Variants in SATB1 observed in about 807,000 individuals in gnomAD.
SATB1 encodes SATB homeobox 1.
In SATB1, 11 loss-of-function variants were observed where a neutral mutation model predicts 86.9. The observed-to-expected ratio is 0.13, with a 90% CI of 0.08 to 0.21. SATB1 has a LOEUF of 0.21. Ranked by LOEUF, SATB1 falls within the 10% of genes least tolerant of loss-of-function variation. The probability of loss-of-function intolerance (pLI) is 1.00; values close to 1 mark genes in which losing one functional copy is unlikely to be tolerated. For synonymous variants in SATB1, 357 were observed against 357.2 expected (o/e 1.00, Z 0.01); for missense variants, 551 against 937.6 (o/e 0.59, Z 5.39).
upstream of SATB1, among the ~76,000 whole-genome samples, chr3:18,425,577 T>A (rs933604765): frequency 3.3e-5 from 5 of 150,862 alleles, no homozygotes; most frequent in African/African-American, 1.2e-4. Context: ...AGCGCACGAT[T>A]TCCGGCCCCG....
At chr3:18,425,560 TG>T (rs1258500930), upstream of SATB1, among the ~76,000 whole-genome samples, 9 of 147,112 alleles carry the variant, frequency 6.1e-5, no homozygotes, top group African/African-American at 2.3e-4. Flanking sequence ...AGTGAGGGAA[TG>T]GGGGGAGCGC....
intron 8 of SATB1, among the ~76,000 whole-genome samples, chr3:18,380,098 G>C (rs1411863767): frequency 6.6e-6 from 1 of 152,146 alleles, no homozygotes; most frequent in Non-Finnish European, 1.5e-5. Flanking sequence ...CTTGCTTTGA[G>C]GCAGAGGGAT....
At chr3:18,401,577 T>C (rs908227147) in intron 5 of SATB1, among the ~76,000 whole-genome samples, 6 of 152,084 alleles carry the variant, frequency 3.9e-5, no homozygotes, top group Non-Finnish European at 8.8e-5. Flanking sequence ...AACATCAATG[T>C]TCACAGAATA....
chr3:18,434,017 A>G (rs1698976761), intron 2 of SATB1, among the ~76,000 whole-genome samples: 1 of 152,118 alleles, frequency 6.6e-6, no homozygotes, highest in Non-Finnish European at 1.5e-5. Context: ...AGAGAAACAA[A>G]TAGCACATTT....
intron 9 of SATB1, among the ~76,000 whole-genome samples, chr3:18,375,308 A>G (rs1000603425): frequency 2.6e-5 from 4 of 152,200 alleles, no homozygotes; most frequent in Admixed American, 6.5e-5. Flanking sequence ...AAAGTAAGAA[A>G]ATAATAGCTC....
Position 18,394,866 on chromosome 3 carries a change from T to G in SATB1, c.802A>C (p.Asn268His). 1 of 1,612,656 alleles carries G rather than the reference T, an allele frequency of 6.2e-7. No individual in the cohort carries two copies. The highest frequency in any genetic ancestry group is 8.5e-7 in the Non-Finnish European group (1 of 1,179,422). The change falls in exon 7 of 11, where the codon AAT becomes CAT. Residue 268 changes from asparagine to histidine, a missense_variant. Asn to His is a moderately conservative substitution (Grantham distance 68, BLOSUM62 1). Around this residue, in one of 8 missense-constraint regions of SATB1, gnomAD observed 119 missense variants for 171.1 expected, o/e 0.70. Transcript: ENST00000338745. The surrounding 1 kb of genome is among the most constrained non-coding windows in gnomAD (Gnocchi z 5.9). ...CCTGGAACTGGTTGCTGGCCAAAAT[T>G]GACATGATTGGCGCCTTGCTGGGAT... is the stretch of plus-strand genomic sequence containing the variant. The part of the protein sequence containing the change: ...ELSQQGANHV[N>H]FGQQPVPGNT...
At chr3:18,387,928 T>A (rs1165553034) in intron 7 of SATB1, among the ~76,000 whole-genome samples, 1 of 152,194 alleles carries the variant, frequency 6.6e-6, no homozygotes, top group African/African-American at 2.4e-5. Context: ...GTTGCCGAAA[T>A]GCAACAGTTG....
rs761051718 is a variant in SATB1 at position 18,386,431 on chromosome 3, G to C, written c.1387C>G (p.Leu463Val). 8 of 1,613,894 alleles carry C rather than the reference G, an allele frequency of 5.0e-6. 1 individual carries two copies. Among genetic ancestry groups the C allele is most frequent in the South Asian group, 2.2e-5 (2 of 91,054 alleles). Residue 463 changes from leucine (L) to valine (V), a missense_variant, in exon 8 of 11, where the codon CTC becomes GTC. By Grantham distance (32) the Leu-to-Val change is conservative. Coordinates refer to ENST00000338745, the MANE Select transcript of SATB1 (RefSeq NM_002971.6). This position sits in a 1 kb window ranked among gnomAD's most constrained non-coding sequence, Gnocchi z 4.5. ...GGACGGCTGGGTGGTGTGCTGATGA[G>C]GGGGGCAGGACCCATGGCCGAGGCA... ...NAASAMGPAP[L>V]ISTPPSRPPQ...
upstream of SATB1, among the ~76,000 whole-genome samples, chr3:18,426,586 A>T (rs1255604406): frequency 6.6e-6 from 1 of 152,254 alleles, no homozygotes; most frequent in African/African-American, 2.4e-5. This position sits in a 1 kb window ranked among gnomAD's most constrained non-coding sequence, Gnocchi z 4.2. Context: ...GAATATTACA[A>T]TGTAACCCAA....
rs1440966012 is a variant in SATB1 at position 18,371,570 on chromosome 3, G to GT, written c.1575+6599dup. Among the ~76,000 whole-genome samples, 4 of 152,094 alleles carry GT rather than the reference G, an allele frequency of 2.6e-5. No homozygotes were observed. In the South Asian group the frequency reaches 6.2e-4, roughly 24 times the overall value. On this transcript the variant is annotated intron_variant, in intron 9 of 10. Coordinates refer to ENST00000338745, the MANE Select transcript of SATB1 (RefSeq NM_002971.6). The stretch of plus-strand genomic sequence containing the variant: ...TCTACATTAGATTCATTTTACTAAC[G>GT]TAAGTTCTTCCATTCCTCTCTTAGC...
chr3:18,415,896 T>C, intron 4 of SATB1, 111 bp downstream of exon 4: 2 of 1,050,326 alleles, frequency 1.9e-6, no homozygotes, highest in East Asian at 5.0e-5. Flanking sequence ...TGTATTAACC[T>C]TTCTGAAACA....
chr3:18,427,479 A>G (rs1698748068), upstream of SATB1, among the ~76,000 whole-genome samples: 5 of 152,256 alleles, frequency 3.3e-5, no homozygotes, highest in South Asian at 1.0e-3. Context: ...TGGGCAAAAT[A>G]AAATTTAAAC....
chr3:18,417,390 C>T (rs897027242), intron 2 of SATB1: 6 of 554,244 alleles, frequency 1.1e-5, no homozygotes, highest in South Asian at 2.4e-5. Context: ...ATAATGGTGA[C>T]GAAAGAGAAA....
upstream of SATB1, among the ~76,000 whole-genome samples, chr3:18,440,836 CTG>C (rs1349951323): frequency 1.3e-5 from 2 of 152,168 alleles, no homozygotes; most frequent in Admixed American, 1.3e-4. Flanking sequence ...AGAGTAATGA[CTG>C]TTCTGTAATC....
chr3:18,408,955 G>A (rs565194776), intron 5 of SATB1: 2 of 151,614 alleles, frequency 1.3e-5, no homozygotes, highest in Non-Finnish European at 2.9e-5. Flanking sequence ...CTAAGCCTTG[G>A]GAGTATTTAT....
chr3:18,349,636 G>A lies in SATB1; in HGVS notation c.1826C>T (p.Pro609Leu), dbSNP rs760614100. 8 of 1,612,348 alleles carry A rather than the reference G, an allele frequency of 5.0e-6. No homozygotes were observed. The highest frequency in any genetic ancestry group is 1.7e-5 in the Admixed American group (1 of 59,908). ...QQQQQQQQQA[P>L]PPPQPQQQPQ... ...CTGCTGCTGTGGCTGTGGAGGCGGC[G>A]GTGCCTGCTGCTGCTGCTGCTGCTG... Residue 609 changes from proline to leucine, a missense_variant, in exon 11 of 11, where the codon CCG becomes CTG. Physicochemically the swap from Pro to Leu is moderately conservative, Grantham distance 98 (BLOSUM62 -3). Transcript: ENST00000338745. The surrounding 1 kb of genome is among the most constrained non-coding windows in gnomAD (Gnocchi z 5.5).
In SATB1 at chr3:18,443,817, C is replaced by T. The variant is rs1699303870; in HGVS notation, c.-25+1701G>A. 6.6e-6 allele frequency among the ~76,000 whole-genome samples: 1 copy of T among 152,308 alleles called. No individual in the cohort carries two copies. The highest frequency in any genetic ancestry group is 2.1e-4 in the South Asian group (1 of 4,826). On this transcript the variant is annotated intron_variant, in intron 1 of 3. Transcript: ENST00000415069. This position sits in a 1 kb window ranked among gnomAD's most constrained non-coding sequence, Gnocchi z 4.4. ...ACTGCGAGGCTGCACCTGTGATGTC[C>T]CGGCCCCTGCTAAGAGGACGGCCCT...
At chr3:18,439,544 A>C (rs999007325), upstream of SATB1, among the ~76,000 whole-genome samples, 3 of 152,254 alleles carry the variant, frequency 2.0e-5, no homozygotes, top group Non-Finnish European at 4.4e-5. Flanking sequence ...GTTTAAATAG[A>C]CTTACCACTG....
upstream of SATB1, among the ~76,000 whole-genome samples, chr3:18,425,956 A>G (rs1011003632): frequency 2.6e-5 from 4 of 151,958 alleles, no homozygotes; most frequent in African/African-American, 7.3e-5. Context: ...GTACGCCTGG[A>G]GCGTCGCAGA....
Sources: allele counts gnomAD v4.1 joint callset (sites outside exome capture counted in the v4.1 genomes callset), GRCh38; gene constraint gnomAD v4.1.1; regional missense constraint gnomAD v4.1.1; non-coding constraint Gnocchi (gnomAD v3.1); transcripts MANE v1.5; gene names NCBI Gene and HGNC (gene_info 2026-07-23, HGNC 2026-07-21).